TAF6: variants seen among roughly 807,000 people sequenced by gnomAD.
TAF6 encodes transcription initiation factor TFIID subunit 6.
TAF6 carries 50 observed loss-of-function variants against 73.5 expected under a neutral mutation model. The observed-to-expected ratio is 0.68, with a 90% CI of 0.54 to 0.86. TAF6 has a LOEUF of 0.86. TAF6 is among the 40% of genes least tolerant of loss of function. The pLI is 0.00. For synonymous variants in TAF6, 424 were observed against 376.7 expected, an observed-to-expected ratio of 1.13 and a Z score of -1.45; for missense variants, 768 against 899.5, an observed-to-expected ratio of 0.85 and a Z score of 1.87.
chr7:100,107,686 G>A (rs1307609048), intron 14 of TAF6, 63 bp from the exon 15 acceptor site: 20 of 1,578,290 alleles, frequency 1.3e-5, no homozygotes, highest in African/African-American at 2.7e-5. Flanking sequence ...GAGGCCTGGC[G>A]AGGACGCTTC....
Position 100,113,366 on chromosome 7 carries a change from G to C in TAF6, c.437C>G (p.Pro146Arg). 6.3e-7 allele frequency: 1 copy of C among 1,596,140 alleles called. No individual in the cohort carries two copies. Among genetic ancestry groups the C allele is most frequent in the Non-Finnish European group, 8.5e-7 (1 of 1,170,974 alleles). The part of the protein sequence containing the change: ...LSIEGCQPAI[P>R]ENPPPAPKEQ... ...GAGGTTACCTGGGGGCGGGTTCTCG[G>C]GGATAGCTGGCTGGCAGCCCTCGAT... Residue 146 changes from proline to arginine, a missense_variant, in exon 5 of 15, where the codon CCC becomes CGC. Pro to Arg is a moderately radical substitution (Grantham distance 103). Transcript: ENST00000453269.
chr7:100,122,309 C>T (rs537019181), upstream of TAF6: 32 of 1,614,044 alleles, frequency 2.0e-5, 1 homozygote, highest in East Asian at 7.1e-4. Flanking sequence ...TCGCACCGGT[C>T]GATCTCGAGA....
upstream of TAF6, among the ~76,000 whole-genome samples, chr7:100,123,426 A>C (rs995908014): frequency 1.3e-5 from 2 of 152,052 alleles, no homozygotes; most frequent in African/African-American, 4.8e-5. Flanking sequence ...GCTAGCACTT[A>C]GTGAGTCTGA....
upstream of TAF6, among the ~76,000 whole-genome samples, chr7:100,120,594 G>A (rs756872795): frequency 5.3e-5 from 8 of 152,216 alleles, no homozygotes; most frequent in Non-Finnish European, 1.0e-4. Context: ...AGTCATGACA[G>A]TCTCATGACT....
At chr7:100,122,944 G>A (rs781560434), upstream of TAF6, 2 of 1,580,164 alleles carry the variant, frequency 1.3e-6, no homozygotes, top group Non-Finnish European at 1.7e-6. Context: ...GAGGTGAGAA[G>A]GGAACCTGAG....
In TAF6 at chr7:100,107,111, G is replaced by T. The variant is rs540837294; in HGVS notation, c.*135C>A. 2.9e-5 allele frequency: 39 copies of T among 1,346,506 alleles called. No individual in the cohort carries two copies. The African/African-American group carries it at 5.3e-4, about 18-fold the overall frequency. The allele number at this position is 1,346,506 out of a possible 1,614,324, so 83.4% of individuals were successfully genotyped here. On this transcript the variant is annotated 3_prime_UTR_variant, in exon 15 of 15. Coordinates refer to ENST00000453269, the MANE Select transcript of TAF6 (RefSeq NM_139315.3). Reference sequence around the variant, plus strand: ...AAACTTTTATTCTGAGAAACTGGCTGTACAATATCTAAAAAGAAAGTGACA... The same window carrying T: ...AAACTTTTATTCTGAGAAACTGGCTTTACAATATCTAAAAAGAAAGTGACA...
In TAF6 at chr7:100,119,286, C is replaced by CG. The variant is rs1797938986; in HGVS notation, c.-143dup. 9.8e-7 allele frequency: 1 copy of CG among 1,021,376 alleles called. No homozygotes were observed. Among genetic ancestry groups the CG allele is most frequent in the Admixed American group, 5.8e-5 (1 of 17,382 alleles). The allele number at this position is 1,021,376 out of a possible 1,614,324, so 63.3% of individuals were successfully genotyped here. ...CAGACCCGCCCCCGCCACCCGAGCG[C>CG]GGGGAGCAGGAAAACTCTAGCGGCA... On this transcript the variant is annotated 5_prime_UTR_variant, in exon 1 of 15. Coordinates refer to ENST00000453269, the MANE Select transcript of TAF6 (RefSeq NM_139315.3).
intron 10 of TAF6, 64 bp from the exon 11 acceptor site, chr7:100,110,338 G>A (rs1797057305): frequency 9.8e-6 from 15 of 1,534,994 alleles, no homozygotes; most frequent in Admixed American, 1.7e-5. Flanking sequence ...AGGGACCTAA[G>A]TCTTTCATAG....
At chr7:100,122,913 TAA>T (rs771756936), upstream of TAF6, 17 of 1,610,546 alleles carry the variant, frequency 1.1e-5, no homozygotes, top group Non-Finnish European at 1.4e-5. Context: ...GCAGGTAGGA[TAA>T]GACACTGCAC....
rs1315129380 is a variant in TAF6 at position 100,112,895 on chromosome 7, A to G, written c.477T>C (p.Ala159=). ...CTGACTTCAGGGGTTCTGTGGCTTC[A>G]GCCTTCTGTTGCTCTTTGGGAGCTG... ...PPPAPKEQQK[A]EATEPLKSAK... is the part of the protein sequence containing the mutation. Residue 159 remains alanine, a synonymous_variant, in exon 6 of 15, where the codon GCT becomes GCC. Transcript: ENST00000453269. 5 of 1,613,170 alleles carry G rather than the reference A, an allele frequency of 3.1e-6. No homozygotes were observed. Among genetic ancestry groups the G allele is most frequent in the Non-Finnish European group, 3.4e-6 (4 of 1,179,482 alleles).
At position 100,119,253 on chromosome 7, in the gene TAF6, G is replaced by T; in HGVS notation, c.-109C>A. The stretch of plus-strand genomic sequence containing the variant: ...GGACCTTCAAAGGGTCTCCTCCGGG[G>T]TACCACTCAGACCCGCCCCCGCCAC... On this transcript the variant is annotated 5_prime_UTR_variant, in exon 1 of 15. Coordinates refer to ENST00000453269, the MANE Select transcript of TAF6 (RefSeq NM_139315.3). The T allele has an allele frequency of 3.0e-6, 3 of 1,015,702 alleles. No individual in the cohort carries two copies. The highest frequency in any genetic ancestry group is 3.5e-6 in the Non-Finnish European group (3 of 847,684). The allele number at this position is 1,015,702 out of a possible 1,614,324, so 62.9% of individuals were successfully genotyped here.
At chr7:100,113,317 C>A in intron 5 of TAF6, 32 bp downstream of exon 5, 1 of 1,546,310 alleles carries the variant, frequency 6.5e-7, no homozygotes, top group Non-Finnish European at 8.7e-7. Flanking sequence ...GAAAGGGACC[C>A]AGAGACCCAG....
chr7:100,112,354 T>C (rs1797261924), intron 6 of TAF6, 101 bp from the exon 7 acceptor site: 1 of 1,480,834 alleles, frequency 6.8e-7, no homozygotes, highest in Non-Finnish European at 9.0e-7. Flanking sequence ...CCAGGAGACC[T>C]GGCTTCTTCT....
chr7:100,120,452 C>G (rs1178266381), upstream of TAF6: 2 of 152,286 alleles, frequency 1.3e-5, no homozygotes, highest in East Asian at 3.8e-4. Context: ...GCTGCACTAG[C>G]GTGGGGCCCA....
At chr7:100,114,357 G>A (rs1001363639) in intron 1 of TAF6, 89 bp from the exon 2 acceptor site, 5 of 1,296,736 alleles carry the variant, frequency 3.9e-6, no homozygotes, top group Non-Finnish European at 5.4e-6. Flanking sequence ...GACAGGGGAG[G>A]AACTCCGAGT....
rs995762761 is a variant in TAF6 at position 100,108,704 on chromosome 7, AGT to A, written c.1285-166_1285-165del. The A allele has an allele frequency of 2.8e-5, 19 of 685,588 alleles. No homozygotes were observed. In the African/African-American group the frequency reaches 3.4e-4, roughly 12 times the overall value. 42.5% of individuals were successfully genotyped at this position (685,588 alleles called of 1,614,324 possible). A position where few individuals can be genotyped will look rare whatever the true frequency, so the allele number is the denominator to read the frequency against. ...GAAGGCCAAATTATGCTGAACTATT[AGT>A]GTGTGTACAGAACACTGTGGGCTTT... On this transcript the variant is annotated intron_variant, in intron 12 of 14. Transcript: ENST00000453269.
rs1402746548 is a variant in TAF6 at position 100,107,084 on chromosome 7, C to T, written c.*162G>A. ...ACTGCAGTGGATCAGAACTTACAAACCAAACTTTTATTCTGAGAAACTGGC... is the reference window on the plus strand; with the variant it reads ...ACTGCAGTGGATCAGAACTTACAAATCAAACTTTTATTCTGAGAAACTGGC... On this transcript the variant is annotated 3_prime_UTR_variant, in exon 15 of 15. Coordinates refer to ENST00000453269, the MANE Select transcript of TAF6 (RefSeq NM_139315.3). The T allele has an allele frequency of 7.7e-7, 1 of 1,296,418 alleles. No individual in the cohort carries two copies. The highest frequency in any genetic ancestry group is 2.5e-5 in the East Asian group (1 of 39,378). 80.3% of individuals were successfully genotyped at this position (1,296,418 alleles called of 1,614,324 possible).
At position 100,107,629 on chromosome 7, in the gene TAF6, T is replaced by G; in HGVS notation, c.1657-6A>C. On this transcript the variant is annotated splice_region_variant and splice_polypyrimidine_tract_variant and intron_variant, in intron 14 of 14. Transcript: ENST00000453269. The stretch of plus-strand genomic sequence containing the variant: ...GAGGTGCTGAGGGACAGGACCTGGA[T>G]AGAAAGGAAAGGCAGGCCGCTTGCC... 1 of 1,610,208 alleles carries G rather than the reference T, an allele frequency of 6.2e-7. No individual in the cohort carries two copies. The highest frequency in any genetic ancestry group is 1.1e-5 in the South Asian group (1 of 90,906).
In TAF6 at chr7:100,119,334, G is replaced by A. The variant is rs1797943487; in HGVS notation, c.-190C>T. On this transcript the variant is annotated 5_prime_UTR_variant, in exon 1 of 15. Coordinates refer to ENST00000453269, the MANE Select transcript of TAF6 (RefSeq NM_139315.3). ...GCAGCCGAGACGCTGCTCACCCGGC[G>A]CTCGGCGCCATCTTGGCCCCGCCCC... The A allele has an allele frequency of 1.9e-6, 2 of 1,031,730 alleles. No homozygotes were observed. The highest frequency in any genetic ancestry group is 4.8e-4 in the Middle Eastern group (1 of 2,072). The allele number at this position is 1,031,730 out of a possible 1,614,324, so 63.9% of individuals were successfully genotyped here.
Sources: gnomAD v4.1 joint callset for allele counts (sites outside exome capture counted in the v4.1 genomes callset) on GRCh38, gnomAD v4.1.1 for gene constraint, MANE v1.5 for transcripts, NCBI Gene and HGNC (gene_info 2026-07-23, HGNC 2026-07-21) for gene names.